Variants in GASK1A observed in about 807,000 individuals in gnomAD.
GASK1A encodes the protein golgi associated kinase 1A, also known as Golgi-associated kinase 1A.
In GASK1A, 40 loss-of-function variants were observed where a neutral mutation model predicts 41.2. That is an observed-to-expected ratio of 0.97 (90% CI 0.75 to 1.27). GASK1A has a LOEUF of 1.27. Among genes scored for constraint, GASK1A ranks in the 50% most tolerant of loss-of-function variants. The probability of loss-of-function intolerance (pLI) is 0.00; values close to 1 mark genes in which losing one functional copy is unlikely to be tolerated. For synonymous variants in GASK1A, 316 were observed against 307.1 expected (o/e 1.03, Z -0.30); for missense variants, 678 against 745.1 (o/e 0.91, Z 1.05).
chr3:42,990,349 CAAA>C (rs74270677), intron 1 of GASK1A, among the ~76,000 whole-genome samples: 79 of 108,672 alleles, frequency 7.3e-4, no homozygotes, highest in Middle Eastern at 4.9e-3. Context: ...GACCCCGTCT[CAAA>C]AAAAAAAAAA....
At chr3:43,018,541 C>G (rs1303715415) in intron 1 of GASK1A, among the ~76,000 whole-genome samples, 3 of 152,110 alleles carry the variant, frequency 2.0e-5, no homozygotes, top group African/African-American at 7.2e-5. Flanking sequence ...TATTAGTAAG[C>G]TGCTTCTGAT....
chr3:43,033,919 C>T (rs1275889848), intron 2 of GASK1A, among the ~76,000 whole-genome samples: 1 of 152,068 alleles, frequency 6.6e-6, no homozygotes, highest in Non-Finnish European at 1.5e-5. Context: ...GCTTTTGCAG[C>T]TTCGTGACTA....
intron 4 of GASK1A, chr3:43,055,912 T>C (rs2089713711): frequency 2.0e-6 from 1 of 494,214 alleles, no homozygotes; most frequent in African/African-American, 1.9e-5. Flanking sequence ...AAGTGGAGCC[T>C]GGGATAGCGG....
chr3:43,053,855 G>C (rs1013218014), intron 3 of GASK1A: 8 of 686,354 alleles, frequency 1.2e-5, no homozygotes, highest in Non-Finnish European at 2.1e-5. Context: ...GCCTGAGGAG[G>C]GGTGTGGGGT....
Position 43,053,557 on chromosome 3 carries a change from G to C in GASK1A, c.1327G>C (p.Glu443Gln). The C allele has an allele frequency of 6.4e-7, 1 of 1,551,560 alleles. No individual in the cohort carries two copies. The highest frequency in any genetic ancestry group is 8.7e-7 in the Non-Finnish European group (1 of 1,146,924). The change falls in exon 3 of 5, where the codon GAG becomes CAG. Residue 443 changes from glutamate (E) to glutamine (Q), a missense_variant. Glu to Gln is a conservative substitution (Grantham distance 29). Transcript: ENST00000430121. ...CTTGGATCGCTACTGCTGTGGCTTC[G>C]AGCCTGAGCCCTCAGACCCCTGTGT... ...DRLDRYCCGF[E>Q]PEPSDPCVEE...
At position 43,056,362 on chromosome 3, in the gene GASK1A, A is replaced by C. The variant is rs1226744197; in HGVS notation, c.1704A>C (p.Thr568=). The change falls in exon 5 of 5, where the codon ACA becomes ACC. Residue 568 remains threonine (T), a synonymous_variant. Transcript: ENST00000430121. ...GACACATCCAAAAGCACAACCTCACACTCTTCAGGGACGAGGACCCATAAG... is the reference window on the plus strand; with the variant it reads ...GACACATCCAAAAGCACAACCTCACCCTCTTCAGGGACGAGGACCCATAAG... ...LLGHIQKHNL[T]LFRDEDP 6.5e-7 allele frequency: 1 copy of C among 1,550,160 alleles called. No individual in the cohort carries two copies.
Position 43,032,554 on chromosome 3 carries a change from T to G in GASK1A, c.291T>G (p.His97Gln). Residue 97 changes from histidine (H) to glutamine (Q), a missense_variant, in exon 2 of 5, where the codon CAT (histidine) becomes CAG (glutamine). His to Gln is a conservative substitution (Grantham distance 24). Coordinates refer to ENST00000430121, the MANE Select transcript of GASK1A (RefSeq NM_001129908.3). ...TGGTCTGTGCTGAGGAGCAAGGCCA[T>G]AGAGCAAGAGTGGACAGAAGCAGGG... Reference protein sequence around the residue: ...SILVCAEEQGHRARVDRSRES... With the variant: ...SILVCAEEQGQRARVDRSRES... The G allele has an allele frequency of 6.5e-7, 1 of 1,549,358 alleles. No individual in the cohort carries two copies. The highest frequency in any genetic ancestry group is 8.7e-7 in the Non-Finnish European group (1 of 1,145,066).
intron 1 of GASK1A, among the ~76,000 whole-genome samples, chr3:43,030,061 A>G (rs2089566803): frequency 6.6e-6 from 1 of 152,094 alleles, no homozygotes; most frequent in Middle Eastern, 3.2e-3. Flanking sequence ...CAATGGTGCA[A>G]TTTTGGCTCA....
chr3:43,023,774 G>T (rs550142417), intron 1 of GASK1A, among the ~76,000 whole-genome samples: 2 of 152,292 alleles, frequency 1.3e-5, no homozygotes, highest in Non-Finnish European at 2.9e-5. Flanking sequence ...TAGAAAAGAG[G>T]CTCAGACCTA....
At chr3:43,049,541 G>A in intron 2 of GASK1A, among the ~76,000 whole-genome samples, 1 of 152,176 alleles carries the variant, frequency 6.6e-6, no homozygotes. Context: ...ACAGGGCTGT[G>A]GTTCTTTGCC....
At chr3:43,008,248 C>A (rs1418229629) in intron 1 of GASK1A, among the ~76,000 whole-genome samples, 2 of 152,198 alleles carry the variant, frequency 1.3e-5, no homozygotes, top group East Asian at 3.9e-4. Flanking sequence ...ACTGTCTTAT[C>A]AGGTACCTGG....
chr3:43,051,872 C>T (rs2089690342), intron 2 of GASK1A, among the ~76,000 whole-genome samples: 1 of 152,176 alleles, frequency 6.6e-6, no homozygotes, highest in African/African-American at 2.4e-5. Flanking sequence ...TCCAGGTTCC[C>T]AGGCTGATGT....
At chr3:43,050,400 C>T (rs1447970691) in intron 2 of GASK1A, among the ~76,000 whole-genome samples, 1 of 152,058 alleles carries the variant, frequency 6.6e-6, no homozygotes, top group East Asian at 1.9e-4. Context: ...TATCAAATTA[C>T]TCTTTGAAAG....
chr3:43,032,638 A>C lies in GASK1A; in HGVS notation c.375A>C (p.Ser125=). The C allele has an allele frequency of 1.9e-6, 3 of 1,551,720 alleles. No individual in the cohort carries two copies. The highest frequency in any genetic ancestry group is 2.6e-6 in the Non-Finnish European group (3 of 1,146,982). The change falls in exon 2 of 5, where the codon TCA becomes TCC. Residue 125 remains serine (S), a synonymous_variant. Coordinates refer to ENST00000430121, the MANE Select transcript of GASK1A (RefSeq NM_001129908.3). ...GGGTGAGGAGGGACATTACTTTGTC[A>C]GGACATCCAAGACTCAGTACTCAGC... ...PGRVRRDITL[S]GHPRLSTQHV... is the part of the protein sequence containing the mutation.
At chr3:42,981,988 G>A (rs2089284938) in intron 1 of GASK1A, among the ~76,000 whole-genome samples, 1 of 151,944 alleles carries the variant, frequency 6.6e-6, no homozygotes, top group Non-Finnish European at 1.5e-5. Context: ...TCCAAGATAC[G>A]TATGATGGGA....
At chr3:42,990,970 A>G (rs1258470861) in intron 1 of GASK1A, among the ~76,000 whole-genome samples, 1 of 151,940 alleles carries the variant, frequency 6.6e-6, no homozygotes, top group Non-Finnish European at 1.5e-5. Flanking sequence ...GGGTGCGGTT[A>G]TCTCACTCTT....
At chr3:42,991,708 C>T (rs1328224763) in intron 1 of GASK1A, among the ~76,000 whole-genome samples, 3 of 152,124 alleles carry the variant, frequency 2.0e-5, no homozygotes, top group East Asian at 1.9e-4. Context: ...GAGGCTGTAA[C>T]GGCCAGTGAA....
In GASK1A at chr3:42,979,584, G is replaced by A. The variant is rs1311158736; in HGVS notation, c.-59G>A. On this transcript the variant is annotated 5_prime_UTR_variant, in exon 1 of 5. Coordinates refer to ENST00000430121, the MANE Select transcript of GASK1A (RefSeq NM_001129908.3). ...CGCCGGGGGCGGCCAAGGGGAGGCG[G>A]GATGAGTCTGCGAGCCGGCTGAGCG... is the stretch of plus-strand genomic sequence containing the variant. 3.1e-5 allele frequency: 39 copies of A among 1,239,210 alleles called. No individual in the cohort carries two copies. Among genetic ancestry groups the A allele is most frequent in the Non-Finnish European group, 3.9e-5 (39 of 987,488 alleles). 76.8% of individuals were successfully genotyped at this position (1,239,210 alleles called of 1,614,324 possible).
chr3:43,040,193 T>A (rs1051714307), intron 2 of GASK1A, among the ~76,000 whole-genome samples: 3 of 144,944 alleles, frequency 2.1e-5, no homozygotes, highest in African/African-American at 8.5e-5. Context: ...AAAACAACTA[T>A]TTTTTTTTCA....
Sources: allele counts gnomAD v4.1 joint callset (sites outside exome capture counted in the v4.1 genomes callset), GRCh38; gene constraint gnomAD v4.1.1; transcripts MANE v1.5; gene names NCBI Gene and HGNC (gene_info 2026-07-23, HGNC 2026-07-21).